Variants in CCDC85A observed in about 807,000 individuals in gnomAD.
The protein encoded by CCDC85A is coiled-coil domain containing 85A, also known as coiled-coil domain-containing protein 85A.
In CCDC85A, 38 loss-of-function variants were observed where a neutral mutation model predicts 50.2. That is an observed-to-expected ratio of 0.76 (90% CI 0.58 to 0.99). The LOEUF (loss-of-function observed/expected upper bound fraction) is 0.99. CCDC85A is among the 50% of genes least tolerant of loss of function. The probability of loss-of-function intolerance (pLI) is 0.00; values close to 1 mark genes in which losing one functional copy is unlikely to be tolerated. For missense variants in CCDC85A, 820 were observed against 742.0 expected (o/e 1.11, Z -1.22); for synonymous variants, 366 against 301.4 (o/e 1.21, Z -2.22).
At chr2:56,282,729 C>A (rs975429242) in intron 2 of CCDC85A, among the ~76,000 whole-genome samples, 4 of 152,160 alleles carry the variant, frequency 2.6e-5, no homozygotes, top group East Asian at 3.9e-4. Flanking sequence ...AGGCTGGTCT[C>A]GAACTCCTGA....
intron 2 of CCDC85A, among the ~76,000 whole-genome samples, chr2:56,286,928 T>A (rs1280589165): frequency 1.3e-5 from 2 of 152,198 alleles, no homozygotes; most frequent in Non-Finnish European, 2.9e-5. Flanking sequence ...CCCCTTTAGG[T>A]TGGCTCTATT....
chr2:56,247,702 C>A (rs912477987), intron 2 of CCDC85A, among the ~76,000 whole-genome samples: 1 of 152,060 alleles, frequency 6.6e-6, no homozygotes, highest in East Asian at 1.9e-4. Flanking sequence ...AAAACATAAA[C>A]CTGTAAAAAG....
chr2:56,336,345 G>A (rs534639204), intron 2 of CCDC85A, among the ~76,000 whole-genome samples: 38 of 152,074 alleles, frequency 2.5e-4, no homozygotes, highest in African/African-American at 8.7e-4. Context: ...GTAGATACGG[G>A]GTTTCACCAT....
intron 5 of CCDC85A, among the ~76,000 whole-genome samples, chr2:56,377,757 A>G (rs964703534): frequency 6.6e-6 from 1 of 152,042 alleles, no homozygotes; most frequent in Non-Finnish European, 1.5e-5. Flanking sequence ...GTGTGGTGGC[A>G]GGCACCTGTA....
chr2:56,197,052 A>G (rs1198611292), intron 2 of CCDC85A, among the ~76,000 whole-genome samples: 2 of 152,214 alleles, frequency 1.3e-5, no homozygotes. Flanking sequence ...AACAAGGTCC[A>G]TTTAGAACTA....
intron 2 of CCDC85A, among the ~76,000 whole-genome samples, chr2:56,232,204 A>G (rs1046350987): frequency 1.3e-5 from 2 of 152,118 alleles, no homozygotes; most frequent in African/African-American, 2.4e-5. Flanking sequence ...CCTGATACCT[A>G]TTCAGCATCA....
chr2:56,315,439 A>G (rs1672878379), intron 2 of CCDC85A, among the ~76,000 whole-genome samples: 1 of 152,130 alleles, frequency 6.6e-6, no homozygotes, highest in South Asian at 2.1e-4. Flanking sequence ...GAGACTGAAA[A>G]TATTTACTCA....
At chr2:56,215,373 A>G (rs1267212550) in intron 2 of CCDC85A, among the ~76,000 whole-genome samples, 1 of 151,812 alleles carries the variant, frequency 6.6e-6, no homozygotes, top group Non-Finnish European at 1.5e-5. Flanking sequence ...CCAGTTTCAT[A>G]CTATTTATTT....
intron 2 of CCDC85A, among the ~76,000 whole-genome samples, chr2:56,205,468 A>G (rs748198550): frequency 1.2e-4 from 19 of 152,314 alleles, no homozygotes; most frequent in Non-Finnish European, 2.5e-4. Context: ...ATTATAAATC[A>G]TTGCCTTGAC....
chr2:56,308,034 A>G (rs947497853), intron 2 of CCDC85A, among the ~76,000 whole-genome samples: 8 of 152,198 alleles, frequency 5.3e-5, no homozygotes, highest in Admixed American at 2.6e-4. Context: ...TTACCCCAAT[A>G]GCTTCCTATT....
intron 2 of CCDC85A, among the ~76,000 whole-genome samples, chr2:56,264,580 A>G (rs1447644522): frequency 6.6e-6 from 1 of 152,172 alleles, no homozygotes; most frequent in Non-Finnish European, 1.5e-5. Flanking sequence ...CTGCATTATT[A>G]CAGTAGCCTT....
chr2:56,328,980 C>T (rs1238488463), intron 2 of CCDC85A, among the ~76,000 whole-genome samples: 4 of 152,126 alleles, frequency 2.6e-5, no homozygotes, highest in East Asian at 1.9e-4. Flanking sequence ...ACACCACATC[C>T]GCCCTTCCTC....
At chr2:56,380,571 C>A (rs937881202) in intron 5 of CCDC85A, among the ~76,000 whole-genome samples, 20 of 149,584 alleles carry the variant, frequency 1.3e-4, no homozygotes, top group African/African-American at 4.2e-4. Flanking sequence ...AAAAAAAAAA[C>A]AACAACAACA....
At chr2:56,264,798 G>C (rs79977939) in intron 2 of CCDC85A, among the ~76,000 whole-genome samples, 2,489 of 152,198 alleles carry the variant, frequency 0.016, 79 homozygotes, top group African/African-American at 0.057. Context: ...TCACCTCCCA[G>C]CATGCTCCAC....
rs115976908 is a variant in CCDC85A, at chr2:56,335,116, G to A, written c.1241-7763G>A. Among the ~76,000 whole-genome samples the A allele has an allele frequency of 9.2e-3, 1,396 of 152,230 alleles. 28 individuals are homozygous for A. The highest frequency in any genetic ancestry group is 0.031 in the African/African-American group (1,273 of 41,536). On this transcript the variant is annotated intron_variant, in intron 2 of 5. Coordinates refer to ENST00000407595, the MANE Select transcript of CCDC85A (RefSeq NM_001080433.2). ...TTCCAACAAATTTTTTTTAAAATAAGAAAAGCGTCAAATTTTAGTGAGAAA... is the reference window on the plus strand; with the variant it reads ...TTCCAACAAATTTTTTTTAAAATAAAAAAAGCGTCAAATTTTAGTGAGAAA...
chr2:56,320,466 C>T (rs895905056), intron 2 of CCDC85A, among the ~76,000 whole-genome samples: 38 of 152,052 alleles, frequency 2.5e-4, no homozygotes, highest in African/African-American at 8.4e-4. Context: ...ATATCACCAC[C>T]GATCCCACAG....
chr2:56,249,109 A>T (rs759532929), intron 2 of CCDC85A, among the ~76,000 whole-genome samples: 1 of 152,236 alleles, frequency 6.6e-6, no homozygotes, highest in South Asian at 2.1e-4. Flanking sequence ...TATCCTGCAG[A>T]TGCTTGCCAG....
intron 2 of CCDC85A, among the ~76,000 whole-genome samples, chr2:56,311,024 G>A (rs550753611): frequency 6.6e-6 from 1 of 152,110 alleles, no homozygotes; most frequent in South Asian, 2.1e-4. Context: ...TTTCCCCTAA[G>A]TTCAACGACA....
At chr2:56,356,987 G>T (rs554000527) in intron 3 of CCDC85A, among the ~76,000 whole-genome samples, 17 of 151,328 alleles carry the variant, frequency 1.1e-4, no homozygotes, top group South Asian at 4.2e-4. Flanking sequence ...GTTGAGGCAG[G>T]ATAATGACGT....
Sources: allele counts gnomAD v4.1 joint callset (sites outside exome capture counted in the v4.1 genomes callset), GRCh38; gene constraint gnomAD v4.1.1; transcripts MANE v1.5; gene names NCBI Gene and HGNC (gene_info 2026-07-23, HGNC 2026-07-21).